SMC1B: variants seen among roughly 807,000 people sequenced by gnomAD.
SMC1B encodes the protein structural maintenance of chromosomes protein 1B.
In SMC1B, 60 loss-of-function variants were observed where a neutral mutation model predicts 157.9. That is an observed-to-expected ratio of 0.38 (90% CI 0.31 to 0.47). The LOEUF is 0.47. Among genes scored for constraint, SMC1B ranks in the 20% least tolerant of loss-of-function variants. The pLI is 0.99. For synonymous variants in SMC1B, 445 were observed against 483.0 expected (o/e 0.92, Z 1.03); for missense variants, 1,165 against 1,426.2 (o/e 0.82, Z 2.95).
chr22:45,364,891 G>T (rs1310239383), intron 15 of SMC1B, among the ~76,000 whole-genome samples: 3 of 141,440 alleles, frequency 2.1e-5, no homozygotes. Flanking sequence ...AGGCTGGAGA[G>T]CAGTGGCACG....
In SMC1B at chr22:45,402,447, C is replaced by T. The variant is rs762978753; in HGVS notation, c.740G>A (p.Arg247Lys). 1.9e-6 allele frequency: 3 copies of T among 1,613,956 alleles called. No homozygotes were observed. Among genetic ancestry groups the T allele is most frequent in the Non-Finnish European group, 1.7e-6 (2 of 1,179,930 alleles). Residue 247 changes from arginine to lysine, a missense_variant, in exon 5 of 25, where the codon AGG becomes AAG. Arg to Lys is a conservative substitution (Grantham distance 26). Transcript: ENST00000357450. ...LLNTKLEHVN[R>K]DLSVKRESLS... Reference sequence around the variant, plus strand: ...AGACTCTCTTTTGACACTCAAATCCCTATTCACATGCTCTAACTTGGTGTT... The same window carrying T: ...AGACTCTCTTTTGACACTCAAATCCTTATTCACATGCTCTAACTTGGTGTT...
At chr22:45,407,487 G>A (rs529083807) in intron 2 of SMC1B, among the ~76,000 whole-genome samples, 2 of 151,696 alleles carry the variant, frequency 1.3e-5, no homozygotes, top group South Asian at 2.1e-4. Context: ...TCTGAGACAG[G>A]GTCTTGCTCT....
intron 9 of SMC1B, 127 bp downstream of exon 9, chr22:45,393,507 A>C: frequency 1.4e-6 from 1 of 720,214 alleles, no homozygotes; most frequent in Non-Finnish European, 2.2e-6. Flanking sequence ...ACAAAACTTA[A>C]AGATGTCTGA....
At chr22:45,410,272 C>T (rs1484253002) in intron 1 of SMC1B, among the ~76,000 whole-genome samples, 9 of 152,126 alleles carry the variant, frequency 5.9e-5, no homozygotes, top group Non-Finnish European at 1.3e-4. Context: ...CATTCCTAAC[C>T]CCAATGTTAA....
chr22:45,409,451 G>T (rs939842098), intron 1 of SMC1B, among the ~76,000 whole-genome samples: 3 of 152,008 alleles, frequency 2.0e-5, no homozygotes, highest in African/African-American at 7.3e-5. Context: ...TGTAGTCCCA[G>T]CTACTCAGGA....
At chr22:45,366,676 T>A (rs1171197123) in intron 15 of SMC1B, among the ~76,000 whole-genome samples, 1 of 152,166 alleles carries the variant, frequency 6.6e-6, no homozygotes, top group East Asian at 1.9e-4. Flanking sequence ...GGTGCATGGA[T>A]CACCTGAGGT....
chr22:45,412,895 C>G (rs181515291), intron 1 of SMC1B, among the ~76,000 whole-genome samples: 1 of 152,334 alleles, frequency 6.6e-6, no homozygotes, highest in Non-Finnish European at 1.5e-5. Context: ...GAACCCATTA[C>G]CTCCTCGACA....
intron 21 of SMC1B, among the ~76,000 whole-genome samples, chr22:45,353,153 C>G (rs1468109587): frequency 6.6e-6 from 1 of 151,778 alleles, no homozygotes; most frequent in Non-Finnish European, 1.5e-5. Flanking sequence ...CGCCTGTAAT[C>G]CCAGCTACTT....
chr22:45,349,617 A>G, intron 23 of SMC1B, 111 bp downstream of exon 23: 1 of 875,862 alleles, frequency 1.1e-6, no homozygotes, highest in Non-Finnish European at 1.8e-6. Context: ...TACAGGCGTG[A>G]GCCACCGTGC....
At chr22:45,409,395 C>A (rs1165826569) in intron 1 of SMC1B, among the ~76,000 whole-genome samples, 3 of 151,902 alleles carry the variant, frequency 2.0e-5, no homozygotes, top group African/African-American at 7.3e-5. Context: ...GAAGCCCCCT[C>A]TCTACCAAAA....
At chr22:45,381,820 A>T (rs1257229495) in intron 12 of SMC1B, among the ~76,000 whole-genome samples, 1 of 152,250 alleles carries the variant, frequency 6.6e-6, no homozygotes, top group Non-Finnish European at 1.5e-5. Context: ...AAAACATAAA[A>T]TGTAGTCTTA....
Position 45,344,315 on chromosome 22 carries a change from C to A in SMC1B, c.*241G>T. On this transcript the variant is annotated 3_prime_UTR_variant, in exon 25 of 25. Coordinates refer to ENST00000357450, the MANE Select transcript of SMC1B (RefSeq NM_148674.5). ...TTAGAATTATAGTACAAAATTGTAC[C>A]TTTTGTTTGTTTTTTAAAAACTCAT... 1 of 293,772 alleles carries A rather than the reference C, an allele frequency of 3.4e-6. No individual in the cohort carries two copies. Among genetic ancestry groups the A allele is most frequent in the Admixed American group, 5.1e-5 (1 of 19,720 alleles). 18.2% of individuals were successfully genotyped at this position (293,772 alleles called of 1,614,324 possible).
At chr22:45,360,015 G>A in intron 17 of SMC1B, 57 bp from the exon 18 acceptor site, 13 of 1,357,258 alleles carry the variant, frequency 9.6e-6, no homozygotes, top group South Asian at 3.9e-5. Context: ...ACTGCACCAA[G>A]GAAGAAAAAT....
intron 6 of SMC1B, among the ~76,000 whole-genome samples, chr22:45,396,874 T>G (rs1029521494): frequency 6.6e-6 from 1 of 152,068 alleles, no homozygotes; most frequent in Non-Finnish European, 1.5e-5. Flanking sequence ...TGAGGAGACA[T>G]GATCACTTAA....
At chr22:45,349,177 G>C (rs913290097) in intron 23 of SMC1B, among the ~76,000 whole-genome samples, 4 of 150,332 alleles carry the variant, frequency 2.7e-5, no homozygotes, top group Admixed American at 2.0e-4. Context: ...ACCACGCCTA[G>C]CTAATTTTTG....
At chr22:45,381,239 T>C (rs1176265230) in intron 12 of SMC1B, among the ~76,000 whole-genome samples, 1 of 152,104 alleles carries the variant, frequency 6.6e-6, no homozygotes, top group Non-Finnish European at 1.5e-5. Context: ...CTCAGATACG[T>C]TTATGTATTT....
chr22:45,369,106 T>G (rs1315140321), intron 15 of SMC1B, among the ~76,000 whole-genome samples: 1 of 151,492 alleles, frequency 6.6e-6, no homozygotes, highest in Non-Finnish European at 1.5e-5. Flanking sequence ...ATTCTTTTGT[T>G]TTTTTTTTTG....
chr22:45,347,742 TC>T (rs2086567184), intron 23 of SMC1B, among the ~76,000 whole-genome samples: 1 of 152,152 alleles, frequency 6.6e-6, no homozygotes, highest in Non-Finnish European at 1.5e-5. Flanking sequence ...GCATGAGCCA[TC>T]ACGCCTGGCC....
chr22:45,390,882 T>C (rs2087050529), intron 9 of SMC1B, among the ~76,000 whole-genome samples: 2 of 152,336 alleles, frequency 1.3e-5, no homozygotes, highest in Middle Eastern at 3.4e-3. Context: ...TTTGTATCTT[T>C]GGACTCTTTC....
Sources: gnomAD v4.1 joint callset for allele counts (sites outside exome capture counted in the v4.1 genomes callset) on GRCh38, gnomAD v4.1.1 for gene constraint, MANE v1.5 for transcripts, NCBI Gene and HGNC (gene_info 2026-07-23, HGNC 2026-07-21) for gene names.